NELL1: variants seen among roughly 807,000 people sequenced by gnomAD.
The protein encoded by NELL1 is neural EGFL like 1.
NELL1 carries 76 observed loss-of-function variants against 107.4 expected under a neutral mutation model. The observed-to-expected ratio is 0.71, with a 90% CI of 0.59 to 0.86. The LOEUF (loss-of-function observed/expected upper bound fraction) is 0.86. Among genes scored for constraint, NELL1 ranks in the 40% least tolerant of loss-of-function variants. The pLI is 0.00. For missense variants in NELL1, 1,024 were observed against 1,005.5 expected, an observed-to-expected ratio of 1.02 and a Z score of -0.25; for synonymous variants, 353 against 341.2, an observed-to-expected ratio of 1.03 and a Z score of -0.38.
chr11:21,402,691 C>A (rs1203405060), intron 15 of NELL1, among the ~76,000 whole-genome samples: 1 of 150,128 alleles, frequency 6.7e-6, no homozygotes, highest in Non-Finnish European at 1.5e-5. Flanking sequence ...AAGAACAAGT[C>A]CTTGGTACCT....
At chr11:21,337,771 T>TCTTTC (rs1329958269) in intron 14 of NELL1, among the ~76,000 whole-genome samples, 4 of 145,168 alleles carry the variant, frequency 2.8e-5, no homozygotes, top group Non-Finnish European at 6.0e-5. Flanking sequence ...TTTCTTTCTT[T>TCTTTC]CTTTCTTTCT....
chr11:21,390,590 GT>G (rs1449597226), intron 15 of NELL1, among the ~76,000 whole-genome samples: 1 of 151,302 alleles, frequency 6.6e-6, no homozygotes, highest in Admixed American at 6.6e-5. Context: ...TATTAGATCA[GT>G]ATTCAGTGTT....
At chr11:20,807,173 A>G (rs1419829240) in intron 3 of NELL1, among the ~76,000 whole-genome samples, 1 of 151,318 alleles carries the variant, frequency 6.6e-6, no homozygotes, top group Non-Finnish European at 1.5e-5. Flanking sequence ...GCTTGATTGT[A>G]CCTATGCTTT....
At chr11:21,210,932 A>G (rs917380695) in intron 13 of NELL1, among the ~76,000 whole-genome samples, 3 of 151,784 alleles carry the variant, frequency 2.0e-5, no homozygotes, top group African/African-American at 7.3e-5. Flanking sequence ...TCTCTGTCCT[A>G]CCTTCTTTTC....
chr11:21,272,009 A>G (rs569777838), intron 14 of NELL1, among the ~76,000 whole-genome samples: 1 of 152,154 alleles, frequency 6.6e-6, no homozygotes, highest in African/African-American at 2.4e-5. Context: ...TGCATTTCCA[A>G]CTGAGGTACT....
intron 13 of NELL1, among the ~76,000 whole-genome samples, chr11:21,133,796 G>T (rs1189001480): frequency 6.6e-6 from 1 of 152,182 alleles, no homozygotes; most frequent in Non-Finnish European, 1.5e-5. Context: ...GGGGTACAGG[G>T]GCTTCCTAGG....
At chr11:21,509,052 G>A (rs1292136060) in intron 15 of NELL1, among the ~76,000 whole-genome samples, 1 of 152,030 alleles carries the variant, frequency 6.6e-6, no homozygotes. Context: ...TACATAAATA[G>A]TAAAACAAAT....
intron 14 of NELL1, 32 bp from the exon 15 acceptor site, chr11:21,370,821 T>C (rs1037940254): frequency 6.4e-7 from 1 of 1,558,970 alleles, no homozygotes; most frequent in Admixed American, 1.7e-5. Context: ...TTGCATTTTA[T>C]CTAAGATAAA....
chr11:21,022,898 A>G (rs1314642950), intron 12 of NELL1, among the ~76,000 whole-genome samples: 2 of 152,100 alleles, frequency 1.3e-5, no homozygotes, highest in Non-Finnish European at 2.9e-5. Context: ...GGATGATGGT[A>G]GAGTTCAAGA....
chr11:21,201,155 T>C (rs2133848169), intron 13 of NELL1, among the ~76,000 whole-genome samples: 2 of 152,272 alleles, frequency 1.3e-5, no homozygotes, highest in Non-Finnish European at 2.9e-5. Context: ...TAGTTTTTTC[T>C]AATTCTGTGA....
At chr11:21,245,608 T>C (rs1372749932) in intron 14 of NELL1, among the ~76,000 whole-genome samples, 1 of 152,188 alleles carries the variant, frequency 6.6e-6, no homozygotes, top group Non-Finnish European at 1.5e-5. Context: ...ACTGTACTTG[T>C]TAATTTGCTT....
At chr11:21,469,673 A>G (rs1854124282) in intron 15 of NELL1, among the ~76,000 whole-genome samples, 1 of 152,098 alleles carries the variant, frequency 6.6e-6, no homozygotes, top group South Asian at 2.1e-4. Context: ...GGAGGCAAAG[A>G]TAAGGAATGT....
chr11:21,173,103 A>G (rs891251814), intron 13 of NELL1, among the ~76,000 whole-genome samples: 6 of 151,858 alleles, frequency 4.0e-5, no homozygotes, highest in Non-Finnish European at 8.8e-5. Context: ...CTCCCTATGC[A>G]TTTCAATTTC....
intron 2 of NELL1, among the ~76,000 whole-genome samples, chr11:20,680,921 A>G (rs925095570): frequency 6.6e-6 from 1 of 152,110 alleles, no homozygotes. Flanking sequence ...TCTCCTGTCC[A>G]CTAGACAAGC....
intron 12 of NELL1, among the ~76,000 whole-genome samples, chr11:21,093,236 C>T (rs1854561552): frequency 6.6e-6 from 1 of 152,156 alleles, no homozygotes; most frequent in African/African-American, 2.4e-5. Context: ...ACCACTGAAG[C>T]CAGGGCCCCA....
At chr11:20,831,708 T>A (rs753639674) in intron 3 of NELL1, among the ~76,000 whole-genome samples, 1 of 152,158 alleles carries the variant, frequency 6.6e-6, no homozygotes, top group Non-Finnish European at 1.5e-5. Context: ...TGTTTCAAGT[T>A]TGCCCAAAAT....
chr11:20,946,890 G>T (rs1850973204), intron 10 of NELL1, among the ~76,000 whole-genome samples: 1 of 152,128 alleles, frequency 6.6e-6, no homozygotes, highest in Non-Finnish European at 1.5e-5. Context: ...CTGTTATCCA[G>T]GGGCATGCCA....
chr11:21,030,556 A>C (rs1349519792), intron 12 of NELL1, among the ~76,000 whole-genome samples: 2 of 151,926 alleles, frequency 1.3e-5, no homozygotes, highest in African/African-American at 2.4e-5. Context: ...CCATTGCCTC[A>C]TATAATTCAA....
intron 14 of NELL1, among the ~76,000 whole-genome samples, chr11:21,338,237 A>C (rs1373769392): frequency 6.6e-6 from 1 of 152,220 alleles, no homozygotes; most frequent in African/African-American, 2.4e-5. Flanking sequence ...TTCTACACTC[A>C]ACAGTGCTTG....
Sources: allele counts gnomAD v4.1 joint callset (sites outside exome capture counted in the v4.1 genomes callset), GRCh38; gene constraint gnomAD v4.1.1; transcripts MANE v1.5; gene names NCBI Gene and HGNC (gene_info 2026-07-23, HGNC 2026-07-21).